The following CSNK2A2IP variants were observed in gnomAD, a reference collection of about 807,000 sequenced individuals.
CSNK2A2IP encodes the protein casein kinase 2 subunit alpha' interacting protein.
the CSNK2A2IP span, among the ~76,000 whole-genome samples, chr3:88,422,713 A>T: frequency 0.53 from 80,876 of 151,990 alleles, 21,754 homozygotes; most frequent in African/African-American, 0.59. Flanking sequence ...AAACACAAAG[A>T]GTTTGAGTAA....
the CSNK2A2IP span, among the ~76,000 whole-genome samples, chr3:88,412,136 T>C: frequency 6.6e-6 from 1 of 151,962 alleles, no homozygotes. Flanking sequence ...CACTTTATTT[T>C]TGAAGGGGTA....
At chr3:88,340,392 C>T in the CSNK2A2IP span, among the ~76,000 whole-genome samples, 8 of 151,914 alleles carry the variant, frequency 5.3e-5, no homozygotes, top group Admixed American at 1.3e-4. Flanking sequence ...TTTATGTACA[C>T]GGTGTTAGAG....
At chr3:88,419,416 C>G in the CSNK2A2IP span, among the ~76,000 whole-genome samples, 1 of 152,158 alleles carries the variant, frequency 6.6e-6, no homozygotes, top group African/African-American at 2.4e-5. Flanking sequence ...TCCATTCATG[C>G]TGCTGCAAAG....
chr3:88,445,928 TTCTTCCTTTCTTTCTTTCTCTC>T, the CSNK2A2IP span, among the ~76,000 whole-genome samples: 1 of 150,062 alleles, frequency 6.7e-6, no homozygotes, highest in African/African-American at 2.5e-5. Flanking sequence ...CTTTCTTTCT[TTCTTCCTTTCTTTCTTTCTCTC>T]TCTCTCTCTC....
the CSNK2A2IP span, among the ~76,000 whole-genome samples, chr3:88,464,399 A>G: frequency 1.3e-5 from 2 of 151,630 alleles, no homozygotes; most frequent in African/African-American, 4.8e-5. Flanking sequence ...ATAAACTGAA[A>G]AGAGAAGAGA....
the CSNK2A2IP span, among the ~76,000 whole-genome samples, chr3:88,387,103 T>C: frequency 6.6e-6 from 1 of 152,114 alleles, no homozygotes; most frequent in African/African-American, 2.4e-5. Context: ...ATACTTTTGT[T>C]GTTAATTTCA....
chr3:88,416,587 A>G, the CSNK2A2IP span, among the ~76,000 whole-genome samples: 5 of 152,158 alleles, frequency 3.3e-5, no homozygotes, highest in African/African-American at 1.2e-4. Context: ...TACTTCTACA[A>G]AGTCTTCGCT....
At chr3:88,419,245 GAA>G in the CSNK2A2IP span, among the ~76,000 whole-genome samples, 2 of 152,158 alleles carry the variant, frequency 1.3e-5, no homozygotes, top group African/African-American at 4.8e-5. Flanking sequence ...CTGGTCTGTG[GAA>G]AAATTGTCTT....
the CSNK2A2IP span, among the ~76,000 whole-genome samples, chr3:88,370,510 C>A: frequency 1.9e-4 from 29 of 151,732 alleles, no homozygotes; most frequent in Non-Finnish European, 4.1e-4. Flanking sequence ...CACATGAGAA[C>A]CCTCCCTTCC....
At chr3:88,460,238 G>A in the CSNK2A2IP span, among the ~76,000 whole-genome samples, 2 of 151,878 alleles carry the variant, frequency 1.3e-5, no homozygotes, top group Admixed American at 6.6e-5. Context: ...TTATCTGTAT[G>A]TAATATTTAC....
chr3:88,396,279 G>C, the CSNK2A2IP span, among the ~76,000 whole-genome samples: 1 of 151,404 alleles, frequency 6.6e-6, no homozygotes, highest in Admixed American at 6.6e-5. Context: ...CTAATTTTTT[G>C]TATTTTTAGT....
chr3:88,349,804 G>C, the CSNK2A2IP span, among the ~76,000 whole-genome samples: 1 of 151,798 alleles, frequency 6.6e-6, no homozygotes, highest in South Asian at 2.1e-4. Context: ...CTATTTTTTT[G>C]TGTGTGTGTG....
chr3:88,348,155 G>T, the CSNK2A2IP span, among the ~76,000 whole-genome samples: 1 of 151,382 alleles, frequency 6.6e-6, no homozygotes, highest in Non-Finnish European at 1.5e-5. Flanking sequence ...TTTACAAATT[G>T]TCCTTTGACC....
At chr3:88,391,000 G>A in the CSNK2A2IP span, among the ~76,000 whole-genome samples, 14 of 152,254 alleles carry the variant, frequency 9.2e-5, no homozygotes, top group South Asian at 2.9e-3. Flanking sequence ...AAACTTCCCT[G>A]TGGTCACTTT....
chr3:88,379,415 G>T, the CSNK2A2IP span, among the ~76,000 whole-genome samples: 1 of 152,012 alleles, frequency 6.6e-6, no homozygotes, highest in Non-Finnish European at 1.5e-5. Context: ...TTTTCTACAG[G>T]CATTCTCTGT....
the CSNK2A2IP span, among the ~76,000 whole-genome samples, chr3:88,424,716 T>TG: frequency 1.3e-5 from 2 of 152,164 alleles, no homozygotes; most frequent in Non-Finnish European, 2.9e-5. Flanking sequence ...TTTCAGAAGA[T>TG]GGCTTGCAAC....
At chr3:88,378,062 C>T in the CSNK2A2IP span, among the ~76,000 whole-genome samples, 1 of 151,852 alleles carries the variant, frequency 6.6e-6, no homozygotes, top group Non-Finnish European at 1.5e-5. Context: ...ATATTGCATA[C>T]CATATTTCAA....
At chr3:88,461,912 T>C in the CSNK2A2IP span, among the ~76,000 whole-genome samples, 1 of 151,380 alleles carries the variant, frequency 6.6e-6, no homozygotes, top group African/African-American at 2.4e-5. Flanking sequence ...AGCTAATTTG[T>C]TTTTTTTGTA....
the CSNK2A2IP span, among the ~76,000 whole-genome samples, chr3:88,434,067 A>G: frequency 5.9e-5 from 9 of 152,190 alleles, no homozygotes; most frequent in African/African-American, 2.2e-4. Flanking sequence ...AACAAAATTT[A>G]GATAAAAAAA....
Sources: gnomAD v4.1 joint callset for allele counts (sites outside exome capture counted in the v4.1 genomes callset) on GRCh38, gnomAD v4.1.1 for gene constraint, MANE v1.5 for transcripts, NCBI Gene and HGNC (gene_info 2026-07-23, HGNC 2026-07-21) for gene names.